The following PAPPA variants were observed in gnomAD, a reference collection of about 807,000 sequenced individuals.
PAPPA encodes pappalysin 1, also known as pappalysin-1.
Under a neutral mutation model 164.0 loss-of-function variants are expected in PAPPA, and 60 were observed. The observed-to-expected ratio is 0.37, with a 90% CI of 0.30 to 0.45. PAPPA has a LOEUF of 0.45. Ranked by LOEUF, PAPPA falls within the 20% of genes least tolerant of loss-of-function variation. The probability of loss-of-function intolerance (pLI) is 1.00; values close to 1 mark genes in which losing one functional copy is unlikely to be tolerated. For synonymous variants in PAPPA, 875 were observed against 814.1 expected (o/e 1.07, Z -1.27); for missense variants, 1,782 against 2,087.3 (o/e 0.85, Z 2.85).
chr9:116,342,722 T>G (rs2118972783), intron 13 of PAPPA, among the ~76,000 whole-genome samples: 1 of 152,220 alleles, frequency 6.6e-6, no homozygotes, highest in African/African-American at 2.4e-5. Flanking sequence ...CCAAAATGTC[T>G]CCCTGTCTCC....
At chr9:116,162,326 C>T (rs1323233986) in intron 1 of PAPPA, among the ~76,000 whole-genome samples, 1 of 152,168 alleles carries the variant, frequency 6.6e-6, no homozygotes. Context: ...TGACGATACA[C>T]ACACACATAC....
rs1325169391 is a variant in PAPPA at position 116,237,106 on chromosome 9, C to A, written c.2732+1469C>A. ...TCACTAAGCCAATCATTAATGGGAA[C>A]CAAGTTCTAGAGGAAACTTTTAATC... On this transcript the variant is annotated intron_variant, in intron 7 of 21. Transcript: ENST00000328252. Among the ~76,000 whole-genome samples the A allele has an allele frequency of 2.0e-5, 3 of 152,170 alleles. No individual in the cohort carries two copies. The East Asian group carries it at 5.8e-4, about 29-fold the overall frequency.
At chr9:116,231,855 G>A (rs1310728577) in intron 6 of PAPPA, among the ~76,000 whole-genome samples, 3 of 136,392 alleles carry the variant, frequency 2.2e-5, no homozygotes, top group Non-Finnish European at 3.0e-5. Context: ...TCAGCCTCAC[G>A]GGTTCAAGTA....
chr9:116,379,884 A>G (rs1008482894), intron 20 of PAPPA, among the ~76,000 whole-genome samples: 61 of 152,176 alleles, frequency 4.0e-4, no homozygotes, highest in African/African-American at 1.4e-3. Context: ...AAGGAGCAAC[A>G]TGAGATAAAC....
intron 17 of PAPPA, among the ~76,000 whole-genome samples, chr9:116,358,775 A>C (rs1479664111): frequency 6.6e-6 from 1 of 152,180 alleles, no homozygotes; most frequent in Non-Finnish European, 1.5e-5. Flanking sequence ...GCTTACAGTC[A>C]AGAGACATGG....
chr9:116,165,496 T>C (rs535786447), intron 1 of PAPPA, among the ~76,000 whole-genome samples: 3 of 152,208 alleles, frequency 2.0e-5, no homozygotes, highest in Admixed American at 1.3e-4. Flanking sequence ...CTCTCTTCTC[T>C]GTACCTTAAA....
chr9:116,237,727 T>C (rs1001949556), intron 7 of PAPPA, among the ~76,000 whole-genome samples: 25 of 152,158 alleles, frequency 1.6e-4, no homozygotes, highest in African/African-American at 5.8e-4. Context: ...TCTCTTTTTT[T>C]TTTTTTCTTT....
chr9:116,175,852 GA>G (rs1373315970), intron 1 of PAPPA, among the ~76,000 whole-genome samples: 1 of 151,902 alleles, frequency 6.6e-6, no homozygotes, highest in Non-Finnish European at 1.5e-5. Flanking sequence ...TCATTGCCAT[GA>G]AAAAAAATTA....
intron 21 of PAPPA, among the ~76,000 whole-genome samples, chr9:116,392,519 T>A (rs1328044029): frequency 6.6e-6 from 1 of 152,080 alleles, no homozygotes; most frequent in Non-Finnish European, 1.5e-5. Context: ...GAATCACTAG[T>A]GTGTGTACAA....
chr9:116,280,093 G>A (rs1224892727), intron 9 of PAPPA, among the ~76,000 whole-genome samples: 1 of 152,158 alleles, frequency 6.6e-6, no homozygotes, highest in Non-Finnish European at 1.5e-5. Flanking sequence ...GCCCCAACAT[G>A]TGCAGTCGGA....
At chr9:116,161,500 A>G (rs925359183) in intron 1 of PAPPA, among the ~76,000 whole-genome samples, 1 of 152,202 alleles carries the variant, frequency 6.6e-6, no homozygotes, top group East Asian at 1.9e-4. Context: ...CTACAAGCTT[A>G]TGTTTAAAGG....
In PAPPA at chr9:116,228,540, A is replaced by G. The variant is rs1288553930; in HGVS notation, c.2233+988A>G. 3.3e-5 allele frequency among the ~76,000 whole-genome samples: 5 copies of G among 152,238 alleles called. No homozygotes were observed. The East Asian group carries it at 9.6e-4, about 29-fold the overall frequency. On this transcript the variant is annotated intron_variant, in intron 6 of 21. Transcript: ENST00000328252. The stretch of plus-strand genomic sequence containing the variant: ...TAGAATAAAGCAAGGGGGAAGGATC[A>G]GAGAGGAAAGTGAAGTTGAAAAACG...
chr9:116,192,341 G>C (rs144249234), intron 2 of PAPPA, among the ~76,000 whole-genome samples: 250 of 152,300 alleles, frequency 1.6e-3, no homozygotes, highest in African/African-American at 5.8e-3. Flanking sequence ...GTATAGAAGA[G>C]AGCATGGAGT....
intron 10 of PAPPA, among the ~76,000 whole-genome samples, chr9:116,312,999 C>T (rs777652177): frequency 3.4e-5 from 5 of 147,622 alleles, no homozygotes; most frequent in African/African-American, 7.5e-5. Flanking sequence ...AGAAGAATGG[C>T]GTGAACCCGG....
intron 19 of PAPPA, among the ~76,000 whole-genome samples, chr9:116,376,760 C>A: frequency 6.6e-6 from 1 of 152,062 alleles, no homozygotes; most frequent in East Asian, 1.9e-4. Flanking sequence ...TTAAAAGATT[C>A]TCAAAGTGAC....
rs111886151 is a variant in PAPPA at position 116,295,566 on chromosome 9, A to G, written c.2954-7191A>G. 1.9e-4 allele frequency among the ~76,000 whole-genome samples: 28 copies of G among 150,248 alleles called. No individual in the cohort carries two copies. The East Asian group carries it at 3.5e-3, about 19-fold the overall frequency. On this transcript the variant is annotated intron_variant, in intron 9 of 21. Transcript: ENST00000328252. Reference sequence around the variant, plus strand: ...GAGACTCGGTCTCAAAAAAAAAAAAAAAAAGAAAAGAAAAGAAAAATTTCA... The same window carrying G: ...GAGACTCGGTCTCAAAAAAAAAAAAGAAAAGAAAAGAAAAGAAAAATTTCA...
intron 12 of PAPPA, 120 bp downstream of exon 12, chr9:116,332,588 C>T: frequency 1.1e-6 from 1 of 933,062 alleles, no homozygotes; most frequent in Non-Finnish European, 1.6e-6. Flanking sequence ...TTTCTTGCTT[C>T]TTTTCTATTT....
At chr9:116,172,401 G>A (rs1564173300) in intron 1 of PAPPA, among the ~76,000 whole-genome samples, 1 of 152,250 alleles carries the variant, frequency 6.6e-6, no homozygotes, top group East Asian at 1.9e-4. Flanking sequence ...TTAACATTTT[G>A]GAATGCATAA....
rs1241566968 is a variant in PAPPA, at chr9:116,398,899, C to T, written c.*2283C>T. The T allele has an allele frequency of 8.4e-6, 3 of 356,046 alleles. No homozygotes were observed. The highest frequency in any genetic ancestry group is 6.4e-5 in the African/African-American group (3 of 46,682). 22.1% of individuals were successfully genotyped at this position (356,046 alleles called of 1,614,324 possible). A position where few individuals can be genotyped will look rare whatever the true frequency, so the allele number is the denominator to read the frequency against. ...TGAACCCCTCTCCAGTATCTTCACA[C>T]TCTTGTCAACTCTCCAGGCCTCTCT... is the stretch of plus-strand genomic sequence containing the variant. On this transcript the variant is annotated 3_prime_UTR_variant, in exon 22 of 22. Coordinates refer to ENST00000328252, the MANE Select transcript of PAPPA (RefSeq NM_002581.5).
Sources: gnomAD v4.1 joint callset for allele counts (sites outside exome capture counted in the v4.1 genomes callset) on GRCh38, gnomAD v4.1.1 for gene constraint, MANE v1.5 for transcripts, NCBI Gene and HGNC (gene_info 2026-07-23, HGNC 2026-07-21) for gene names.